The following FAM53C variants were observed in gnomAD, a reference collection of about 807,000 sequenced individuals.
FAM53C encodes the protein protein FAM53C.
Under a neutral mutation model 34.7 loss-of-function variants are expected in FAM53C, and 10 were observed. The observed-to-expected ratio is 0.29, with a 90% CI of 0.18 to 0.49. The LOEUF (loss-of-function observed/expected upper bound fraction) is 0.49. Among genes scored for constraint, FAM53C ranks in the 20% least tolerant of loss-of-function variants. The probability of loss-of-function intolerance (pLI) is 0.99; values close to 1 mark genes in which losing one functional copy is unlikely to be tolerated. For missense variants in FAM53C, 442 were observed against 515.3 expected (o/e 0.86, Z 1.38); for synonymous variants, 203 against 203.6 (o/e 1.00, Z 0.03).
Position 138,346,295 on chromosome 5 carries a change from C to T in FAM53C, c.922-407C>T, listed in dbSNP as rs568426702. On this transcript the variant is annotated intron_variant, in intron 4 of 4. Transcript: ENST00000239906. Reference sequence around the variant, plus strand: ...CTGCCCTCACGGAGCTTCTATTCTTCAATTCAATGGAAACAATGGGCTCCA... The same window carrying T: ...CTGCCCTCACGGAGCTTCTATTCTTTAATTCAATGGAAACAATGGGCTCCA... Among the ~76,000 whole-genome samples the T allele has an allele frequency of 4.6e-5, 7 of 152,316 alleles. No individual in the cohort carries two copies. The East Asian group carries it at 9.7e-4, about 21-fold the overall frequency.
chr5:138,346,638 T>C (rs970502170), intron 4 of FAM53C, 64 bp from the exon 5 acceptor site: 7 of 1,598,974 alleles, frequency 4.4e-6, no homozygotes, highest in African/African-American at 1.4e-5. Flanking sequence ...AAAAAAAGTT[T>C]ACAAACCTCA....
chr5:138,338,090 T>C (rs1204919002), upstream of FAM53C: 1 of 1,289,758 alleles, frequency 7.8e-7, no homozygotes, highest in Non-Finnish European at 1.0e-6. Flanking sequence ...AGCGCCAGGC[T>C]CGTTCCCAAC....
Position 138,341,241 on chromosome 5 carries a change from G to A in FAM53C, c.-95G>A, listed in dbSNP as rs763026017. ...AATGGTGCTAGAATGGTGCTGCAGT[G>A]GCAGAAGACGGCTCACAAGTGAGGT... On this transcript the variant is annotated 5_prime_UTR_variant, in exon 2 of 5. An upstream open reading frame in the 5' UTR gains an earlier in-frame stop. Transcript: ENST00000239906. 4.0e-6 allele frequency: 4 copies of A among 1,006,246 alleles called. No homozygotes were observed. In the East Asian group the frequency reaches 9.6e-5, roughly 24 times the overall value. 62.3% of individuals were successfully genotyped at this position (1,006,246 alleles called of 1,614,324 possible).
At position 138,346,945 on chromosome 5, in the gene FAM53C, AT is replaced by A; in HGVS notation, c.1167del (p.Ile389MetfsTer39). 1 of 1,614,120 alleles carries A rather than the reference AT, an allele frequency of 6.2e-7. No individual in the cohort carries two copies. The highest frequency in any genetic ancestry group is 8.5e-7 in the Non-Finnish European group (1 of 1,180,018). Reference protein sequence around the residue: ...RDFGDLDLNLIEEN With the variant: ...RDFGDLDLNLXEEN Reference sequence around the variant, plus strand: ...CTTTGGGGACCTGGACTTGAATTTGATTGAGGAAAACTAAAACTGAGAGGCT... The same window carrying A: ...CTTTGGGGACCTGGACTTGAATTTGATGAGGAAAACTAAAACTGAGAGGCT... On this transcript the variant is annotated frameshift_variant, in exon 5 of 5. Coordinates refer to ENST00000239906, the MANE Select transcript of FAM53C (RefSeq NM_016605.3). LOFTEE classifies it high-confidence loss of function.
At position 138,345,604 on chromosome 5, in the gene FAM53C, A is replaced by C; in HGVS notation, c.916A>C (p.Asn306His). Reference sequence around the variant, plus strand: ...GCCTTCGTTGGACTTTGACAAGATGAATCAGGTGGGACCAGCAAGACTAGG... The same window carrying C: ...GCCTTCGTTGGACTTTGACAAGATGCATCAGGTGGGACCAGCAAGACTAGG... ...LRPSLDFDKM[N>H]QKPYSGGLCL... The change falls in exon 4 of 5, where the codon AAT (asparagine) becomes CAT (histidine). Residue 306 changes from asparagine to histidine, a missense_variant. By Grantham distance (68) the Asn-to-His change is moderately conservative. Coordinates refer to ENST00000239906, the MANE Select transcript of FAM53C (RefSeq NM_016605.3). This position sits in a 1 kb window ranked among gnomAD's most constrained non-coding sequence, Gnocchi z 6.3. The C allele has an allele frequency of 6.2e-7, 1 of 1,610,790 alleles. No homozygotes were observed. Among genetic ancestry groups the C allele is most frequent in the Non-Finnish European group, 8.5e-7 (1 of 1,178,374 alleles).
At position 138,346,794 on chromosome 5, in the gene FAM53C, C is replaced by G. The variant is rs1349973731; in HGVS notation, c.1014C>G (p.Pro338=). The G allele has an allele frequency of 1.9e-6, 3 of 1,614,180 alleles. No homozygotes were observed. The highest frequency in any genetic ancestry group is 1.7e-5 in the Admixed American group (1 of 60,032). ...PPWFMACSPP[P]LSASCSPTGG... Reference sequence around the variant, plus strand: ...GGTTCATGGCCTGTAGCCCCCCACCCCTCTCTGCTTCCTGCAGCCCCACTG... The same window carrying G: ...GGTTCATGGCCTGTAGCCCCCCACCGCTCTCTGCTTCCTGCAGCCCCACTG... The change falls in exon 5 of 5, where the codon CCC becomes CCG. Residue 338 remains proline, a synonymous_variant. Coordinates refer to ENST00000239906, the MANE Select transcript of FAM53C (RefSeq NM_016605.3).
In FAM53C at chr5:138,345,909, T is replaced by A. The variant is rs1401440364; in HGVS notation, c.921+300T>A. Among the ~76,000 whole-genome samples the A allele has an allele frequency of 1.3e-5, 2 of 152,238 alleles. No homozygotes were observed. The highest frequency in any genetic ancestry group is 2.9e-5 in the Non-Finnish European group (2 of 68,042). On this transcript the variant is annotated intron_variant, in intron 4 of 4. Transcript: ENST00000239906. This position sits in a 1 kb window ranked among gnomAD's most constrained non-coding sequence, Gnocchi z 6.3. Reference sequence around the variant, plus strand: ...GTCCTGCAAGAGGTACTTTCCCTCCTTTCCAAGAATGCACAAGCTGCAAAA... The same window carrying A: ...GTCCTGCAAGAGGTACTTTCCCTCCATTCCAAGAATGCACAAGCTGCAAAA...
intron 2 of FAM53C, 22 bp from the exon 3 acceptor site, chr5:138,341,787 A>G: frequency 1.9e-6 from 3 of 1,612,040 alleles, no homozygotes; most frequent in South Asian, 1.1e-5. Context: ...CCAAATCATG[A>G]TGGATATTCT....
Position 138,341,300 on chromosome 5 carries a change from G to T in FAM53C, c.-36G>T, listed in dbSNP as rs757854053. On this transcript the variant is annotated 5_prime_UTR_variant, in exon 2 of 5. Coordinates refer to ENST00000239906, the MANE Select transcript of FAM53C (RefSeq NM_016605.3). ...ACAACAGGGAAGACATCCATCATTT[G>T]CTCCAAAGTGTGCAAGTCAAATCCT... 6.4e-7 allele frequency: 1 copy of T among 1,567,594 alleles called. No individual in the cohort carries two copies. Among genetic ancestry groups the T allele is most frequent in the Non-Finnish European group, 8.8e-7 (1 of 1,137,648 alleles).
Position 138,346,716 on chromosome 5 carries a change from A to C in FAM53C, c.936A>C (p.Gly312=). The C allele has an allele frequency of 6.2e-7, 1 of 1,614,136 alleles. No homozygotes were observed. Among genetic ancestry groups the C allele is most frequent in the Non-Finnish European group, 8.5e-7 (1 of 1,180,040 alleles). The change falls in exon 5 of 5, where the codon GGA becomes GGC. Residue 312 remains glycine, a synonymous_variant. Coordinates refer to ENST00000239906, the MANE Select transcript of FAM53C (RefSeq NM_016605.3). ...FDKMNQKPYS[G]GLCLQETARE... ...TTGTTTGACAGAAACCATACTCAGGAGGTCTTTGTCTCCAAGAAACAGCCC... is the reference window on the plus strand; with the variant it reads ...TTGTTTGACAGAAACCATACTCAGGCGGTCTTTGTCTCCAAGAAACAGCCC...
At chr5:138,338,429 C>A (rs1378496618) in intron 1 of FAM53C, 122 bp downstream of exon 1, 2 of 342,716 alleles carry the variant, frequency 5.8e-6, no homozygotes, top group Admixed American at 4.1e-5. Flanking sequence ...CGCTGGCCGC[C>A]TCTGCGGGGA....
chr5:138,343,063 A>T (rs1761077052), intron 3 of FAM53C: 1 of 151,978 alleles, frequency 6.6e-6, no homozygotes, highest in Non-Finnish European at 1.5e-5. Context: ...ACTTTAATAT[A>T]GCTAGGAGAT....
chr5:138,347,701 A>G lies in FAM53C; in HGVS notation c.*742A>G, dbSNP rs1347229846. On this transcript the variant is annotated 3_prime_UTR_variant, in exon 5 of 5. Coordinates refer to ENST00000239906, the MANE Select transcript of FAM53C (RefSeq NM_016605.3). ...CCTCCCCACTAGCTCGATCTAGTATATTGGGGAATGCAGGTGGGGGGTGTC... is the reference window on the plus strand; with the variant it reads ...CCTCCCCACTAGCTCGATCTAGTATGTTGGGGAATGCAGGTGGGGGGTGTC... 6.6e-6 allele frequency: 1 copy of G among 152,386 alleles called. No individual in the cohort carries two copies. The highest frequency in any genetic ancestry group is 1.5e-5 in the Non-Finnish European group (1 of 68,402). The allele number at this position is 152,386 out of a possible 1,614,324, so 9.4% of individuals were successfully genotyped here. A position where few individuals can be genotyped will look rare whatever the true frequency, so the allele number is the denominator to read the frequency against.
intron 3 of FAM53C, among the ~76,000 whole-genome samples, chr5:138,343,480 C>G (rs563487897): frequency 6.7e-6 from 1 of 148,326 alleles, no homozygotes; most frequent in African/African-American, 2.5e-5. Context: ...CACTGCACTC[C>G]AGCTTGGGCA....
intron 1 of FAM53C, among the ~76,000 whole-genome samples, chr5:138,338,967 C>T (rs1479335732): frequency 6.6e-6 from 1 of 152,102 alleles, no homozygotes; most frequent in Non-Finnish European, 1.5e-5. Context: ...ACAGGAGTGT[C>T]AGGGGTTACT....
At chr5:138,341,513 A>T (rs546628845) in intron 2 of FAM53C, 100 bp downstream of exon 2, 2 of 1,149,586 alleles carry the variant, frequency 1.7e-6, no homozygotes, top group South Asian at 1.3e-5. Context: ...TGTATGAATC[A>T]TGGTACTTAA....
intron 1 of FAM53C, 95 bp downstream of exon 1, chr5:138,338,402 C>G (rs1207556159): frequency 2.8e-6 from 1 of 352,108 alleles, no homozygotes; most frequent in Non-Finnish European, 5.5e-6. Context: ...AGCCCGACCG[C>G]CCGCGCGGCC....
Position 138,347,008 on chromosome 5 carries a change from T to G in FAM53C, c.*49T>G. 6.2e-7 allele frequency: 1 copy of G among 1,610,412 alleles called. No homozygotes were observed. Among genetic ancestry groups the G allele is most frequent in the Non-Finnish European group, 8.5e-7 (1 of 1,178,830 alleles). The stretch of plus-strand genomic sequence containing the variant: ...CCACACAGACTGACTCTCTCATGGC[T>G]ACTAACAAGTGTCGAGTCCCCAAGG... On this transcript the variant is annotated 3_prime_UTR_variant, in exon 5 of 5. Coordinates refer to ENST00000239906, the MANE Select transcript of FAM53C (RefSeq NM_016605.3).
chr5:138,345,374 G>A lies in FAM53C; in HGVS notation c.686G>A (p.Arg229His), dbSNP rs894917474. The change falls in exon 4 of 5, where the codon CGC (arginine) becomes CAC (histidine). Residue 229 changes from arginine (R) to histidine (H), a missense_variant. Coordinates refer to ENST00000239906, the MANE Select transcript of FAM53C (RefSeq NM_016605.3). The surrounding 1 kb of genome is among the most constrained non-coding windows in gnomAD (Gnocchi z 6.3). ...AESLSPCPPQRRFSLSPSLGP... is the reference protein window; with the variant it reads ...AESLSPCPPQHRFSLSPSLGP... ...TCCTTGTCACCTTGCCCACCTCAGCGCCGCTTCTCCCTGTCACCCAGTCTG... is the reference window on the plus strand; with the variant it reads ...TCCTTGTCACCTTGCCCACCTCAGCACCGCTTCTCCCTGTCACCCAGTCTG... The A allele has an allele frequency of 3.1e-6, 5 of 1,614,044 alleles. No individual in the cohort carries two copies. The highest frequency in any genetic ancestry group is 3.4e-6 in the Non-Finnish European group (4 of 1,180,024).
Sources: allele counts gnomAD v4.1 joint callset (sites outside exome capture counted in the v4.1 genomes callset), GRCh38; gene constraint gnomAD v4.1.1; non-coding constraint Gnocchi (gnomAD v3.1); transcripts MANE v1.5; gene names NCBI Gene and HGNC (gene_info 2026-07-23, HGNC 2026-07-21).